GLG1: variants seen among roughly 807,000 people sequenced by gnomAD.
GLG1 encodes the protein Golgi apparatus protein 1.
GLG1 carries 38 observed loss-of-function variants against 160.5 expected under a neutral mutation model. That is an observed-to-expected ratio of 0.24 (90% CI 0.18 to 0.31). GLG1 has a LOEUF of 0.31. Ranked by LOEUF, GLG1 falls within the 10% of genes least tolerant of loss-of-function variation. The pLI is 1.00. For synonymous variants in GLG1, 644 were observed against 543.4 expected, an observed-to-expected ratio of 1.19 and a Z score of -2.57; for missense variants, 1,373 against 1,505.2, an observed-to-expected ratio of 0.91 and a Z score of 1.45.
rs1370752816 is a variant in GLG1, at chr16:74,490,998, T to C, written c.1449+3A>G. 3 of 1,607,916 alleles carry C rather than the reference T, an allele frequency of 1.9e-6. No homozygotes were observed. The stretch of plus-strand genomic sequence containing the variant: ...CAAAATGGCAATAGCAATGTCTCCT[T>C]ACCGCCTGCTGGCAGTTCATTCCAA... On this transcript the variant is annotated splice_donor_region_variant and intron_variant, in intron 8 of 25. Coordinates refer to ENST00000422840, the MANE Select transcript of GLG1 (RefSeq NM_001145667.2).
chr16:74,456,069 G>A (rs182172063), intron 25 of GLG1, among the ~76,000 whole-genome samples: 1 of 152,170 alleles, frequency 6.6e-6, no homozygotes, highest in East Asian at 1.9e-4. Context: ...GACCAGATGA[G>A]TACTGGCCTC....
chr16:74,557,599 G>A (rs1027125547), intron 1 of GLG1, among the ~76,000 whole-genome samples: 4 of 152,210 alleles, frequency 2.6e-5, no homozygotes, highest in Non-Finnish European at 5.9e-5. Context: ...CCAAAAGCCT[G>A]AGTCAGGAGC....
At chr16:74,582,799 G>A (rs1957968218) in intron 1 of GLG1, among the ~76,000 whole-genome samples, 1 of 151,570 alleles carries the variant, frequency 6.6e-6, no homozygotes, top group Admixed American at 6.6e-5. Flanking sequence ...CAGCCTGGGT[G>A]ACAAGAGTGA....
chr16:74,505,520 G>A (rs1050787188), intron 3 of GLG1, among the ~76,000 whole-genome samples: 9 of 152,260 alleles, frequency 5.9e-5, no homozygotes, highest in South Asian at 2.1e-4. Context: ...AGGAGTTTGA[G>A]ACCAGCCTCG....
chr16:74,523,216 CT>C (rs1390987017), intron 2 of GLG1, among the ~76,000 whole-genome samples: 5 of 152,198 alleles, frequency 3.3e-5, no homozygotes, highest in Admixed American at 6.5e-5. Context: ...AGAAATTTTA[CT>C]GTTTTACTTT....
chr16:74,551,271 T>C (rs1390350712), intron 1 of GLG1, among the ~76,000 whole-genome samples: 2 of 152,158 alleles, frequency 1.3e-5, no homozygotes, highest in Non-Finnish European at 2.9e-5. Flanking sequence ...AACTGCTTCA[T>C]ATAAAGCAAG....
chr16:74,565,529 C>A (rs772727632), intron 1 of GLG1, among the ~76,000 whole-genome samples: 3 of 152,236 alleles, frequency 2.0e-5, no homozygotes, highest in African/African-American at 4.8e-5. Context: ...CCAATCACAG[C>A]AGCCATACTT....
At chr16:74,546,758 A>C (rs1477469925) in intron 1 of GLG1, among the ~76,000 whole-genome samples, 4 of 144,978 alleles carry the variant, frequency 2.8e-5, no homozygotes, top group Admixed American at 2.2e-4. Flanking sequence ...GAATCACTTG[A>C]ACCTGGGAAG....
chr16:74,500,479 A>G (rs1281690151), intron 4 of GLG1, among the ~76,000 whole-genome samples: 1 of 150,000 alleles, frequency 6.7e-6, no homozygotes, highest in East Asian at 1.9e-4. Flanking sequence ...AAAAAAAACA[A>G]AAAAAAAAAC....
chr16:74,542,962 T>C (rs1239757907), intron 1 of GLG1, among the ~76,000 whole-genome samples: 1 of 152,066 alleles, frequency 6.6e-6, no homozygotes, highest in Non-Finnish European at 1.5e-5. Flanking sequence ...ATGAGGGATG[T>C]AAGATTACAT....
chr16:74,583,735 T>A (rs1488474103), intron 1 of GLG1, among the ~76,000 whole-genome samples: 1 of 152,064 alleles, frequency 6.6e-6, no homozygotes, highest in Non-Finnish European at 1.5e-5. Flanking sequence ...AGCTCAATCA[T>A]CATCTTCTCA....
intron 1 of GLG1, among the ~76,000 whole-genome samples, chr16:74,559,279 T>A (rs1187065417): frequency 8.3e-5 from 12 of 144,820 alleles, no homozygotes; most frequent in South Asian, 6.6e-4. Flanking sequence ...TCCTGCTGTT[T>A]AAAAAAAAAA....
intron 3 of GLG1, among the ~76,000 whole-genome samples, chr16:74,506,355 G>A (rs940887223): frequency 6.6e-6 from 1 of 151,460 alleles, no homozygotes; most frequent in African/African-American, 2.4e-5. Flanking sequence ...CAGGCGGGCG[G>A]ATCACGAGGT....
intron 5 of GLG1, among the ~76,000 whole-genome samples, chr16:74,496,198 T>C (rs1005357886): frequency 2.0e-5 from 3 of 151,806 alleles, no homozygotes; most frequent in Non-Finnish European, 2.9e-5. Context: ...AACCCAGAAG[T>C]TGGAGGCTGC....
intron 1 of GLG1, among the ~76,000 whole-genome samples, chr16:74,544,483 G>C (rs1352666999): frequency 3.3e-5 from 5 of 152,022 alleles, no homozygotes; most frequent in Admixed American, 3.3e-4. Flanking sequence ...ACCAAGCCTG[G>C]CTAATTTTGT....
chr16:74,524,676 T>C (rs775059864), intron 2 of GLG1, among the ~76,000 whole-genome samples: 6 of 152,138 alleles, frequency 3.9e-5, no homozygotes, highest in Admixed American at 1.3e-4. Flanking sequence ...ACAGTACCAA[T>C]CTGAATTAAT....
At chr16:74,562,933 T>A (rs2018548698) in intron 1 of GLG1, among the ~76,000 whole-genome samples, 1 of 152,150 alleles carries the variant, frequency 6.6e-6, no homozygotes, top group South Asian at 2.1e-4. Context: ...GGTCAATTGA[T>A]ATCACAATGC....
chr16:74,597,081 T>C (rs1958322930), intron 1 of GLG1, among the ~76,000 whole-genome samples: 2 of 151,826 alleles, frequency 1.3e-5, no homozygotes, highest in Admixed American at 6.6e-5. Context: ...ATCATGCCAC[T>C]GCACTGCAGC....
chr16:74,508,029 T>C (rs1003833393), intron 3 of GLG1, among the ~76,000 whole-genome samples: 2 of 151,992 alleles, frequency 1.3e-5, no homozygotes, highest in Non-Finnish European at 2.9e-5. Flanking sequence ...AAAACATAAC[T>C]GATCTAGTAT....
Sources: gnomAD v4.1 joint callset for allele counts (sites outside exome capture counted in the v4.1 genomes callset) on GRCh38, gnomAD v4.1.1 for gene constraint, MANE v1.5 for transcripts, NCBI Gene and HGNC (gene_info 2026-07-23, HGNC 2026-07-21) for gene names.